AGO2: variants seen among roughly 807,000 people sequenced by gnomAD.
The protein encoded by AGO2 is argonaute RISC catalytic component 2.
AGO2 carries 5 observed loss-of-function variants against 102.3 expected under a neutral mutation model. The observed-to-expected ratio is 0.05, with a 90% CI of 0.03 to 0.10. The LOEUF (loss-of-function observed/expected upper bound fraction) is 0.10, where lower values mean the gene tolerates loss of function less well. AGO2 is among the 10% of genes least tolerant of loss of function. AGO2 has a pLI of 1.00. For missense variants in AGO2, 541 were observed against 1,183.7 expected (o/e 0.46, Z 7.97); for synonymous variants, 449 against 473.1 (o/e 0.95, Z 0.66).
chr8:140,532,593 T>G lies in AGO2; in HGVS notation c.2294A>C (p.Tyr765Ser). 1 of 1,614,280 alleles carries G rather than the reference T, an allele frequency of 6.2e-7. No homozygotes were observed. Among genetic ancestry groups the G allele is most frequent in the Non-Finnish European group, 8.5e-7 (1 of 1,180,050 alleles). The change falls in exon 18 of 19, where the codon TAT becomes TCT. Residue 765 changes from tyrosine to serine, a missense_variant. Physicochemically the swap from Tyr to Ser is moderately radical, Grantham distance 144. Transcript: ENST00000220592. ...ACGATTGTCGTCCCAGAGGACGTGA[T>G]AGTGCGAAGGCCTGCTTGTCCCCTA... ...GIQGTSRPSH[Y>S]HVLWDDNRFS... is the part of the protein sequence containing the mutation.
At chr8:140,585,073 T>C (rs1196632950) in intron 2 of AGO2, 46 bp downstream of exon 2, 3 of 1,563,888 alleles carry the variant, frequency 1.9e-6, no homozygotes, top group Non-Finnish European at 1.7e-6. Context: ...GCCGTGTCTG[T>C]CCGCGCAGAC....
At chr8:140,588,758 G>C (rs1033858946) in intron 1 of AGO2, among the ~76,000 whole-genome samples, 1 of 152,254 alleles carries the variant, frequency 6.6e-6, no homozygotes, top group Non-Finnish European at 1.5e-5. Flanking sequence ...TCCTGGGAGG[G>C]GCGATGGCTC....
intron 6 of AGO2, among the ~76,000 whole-genome samples, chr8:140,559,140 A>G (rs2073153611): frequency 6.6e-6 from 1 of 152,220 alleles, no homozygotes. Context: ...TCTAGTCCTG[A>G]GATCATGACT....
intron 12 of AGO2, 74 bp from the exon 13 acceptor site, chr8:140,547,701 A>T: frequency 6.5e-7 from 1 of 1,542,458 alleles, no homozygotes; most frequent in Non-Finnish European, 8.7e-7. Flanking sequence ...AGCAGCTGCC[A>T]CCAGCCCTCT....
At chr8:140,582,231 A>G (rs968668080) in intron 2 of AGO2, among the ~76,000 whole-genome samples, 1 of 152,220 alleles carries the variant, frequency 6.6e-6, no homozygotes, top group Non-Finnish European at 1.5e-5. Context: ...AAAATGACCA[A>G]GAGTTCCTGG....
At chr8:140,583,809 A>C (rs2073598339) in intron 2 of AGO2, among the ~76,000 whole-genome samples, 1 of 152,236 alleles carries the variant, frequency 6.6e-6, no homozygotes, top group Non-Finnish European at 1.5e-5. Context: ...CAGGAGGTGG[A>C]GACTACAGTG....
intron 1 of AGO2, among the ~76,000 whole-genome samples, chr8:140,609,038 G>C (rs1234587027): frequency 2.0e-5 from 3 of 152,198 alleles, no homozygotes; most frequent in African/African-American, 4.8e-5. Context: ...CTGCAGATCT[G>C]GTAAGCATCT....
chr8:140,565,429 A>T (rs1232719482), intron 3 of AGO2, among the ~76,000 whole-genome samples: 22 of 139,028 alleles, frequency 1.6e-4, no homozygotes, highest in Middle Eastern at 4.1e-3. Flanking sequence ...ACAGAGCAAG[A>T]CTCTGTCTCA....
intron 1 of AGO2, among the ~76,000 whole-genome samples, chr8:140,634,357 G>A (rs1165636428): frequency 6.6e-6 from 1 of 152,258 alleles, no homozygotes; most frequent in African/African-American, 2.4e-5. Context: ...GGGCAGCATC[G>A]GGAATGCGAG....
rs1376749713 is a variant in AGO2, at chr8:140,529,386, T to C, written c.*2658A>G. On this transcript the variant is annotated 3_prime_UTR_variant, in exon 19 of 19. Transcript: ENST00000220592. The stretch of plus-strand genomic sequence containing the variant: ...TGGTAAAAATTTGAGAAAACAATTG[T>C]TTACCTGAGAAATTGTAACTACAGC... 2 of 152,238 alleles carry C rather than the reference T, an allele frequency of 1.3e-5. No homozygotes were observed. The highest frequency in any genetic ancestry group is 2.9e-5 in the Non-Finnish European group (2 of 68,036). The allele number at this position is 152,238 out of a possible 1,614,324, so 9.4% of individuals were successfully genotyped here.
rs886340180 is a variant in AGO2, at chr8:140,589,208, A to C, written c.23-3897T>G. Among the ~76,000 whole-genome samples, 9 of 152,198 alleles carry C rather than the reference A, an allele frequency of 5.9e-5. No individual in the cohort carries two copies. The highest frequency in any genetic ancestry group is 1.2e-4 in the Non-Finnish European group (8 of 68,030). ...TAAGTAAGGGACAGGGATGGGGGAA[A>C]GTTGGTGCATGAAGAATAAAGTGCA... is the stretch of plus-strand genomic sequence containing the variant. On this transcript the variant is annotated intron_variant, in intron 1 of 18. Transcript: ENST00000220592. The surrounding 1 kb of genome is among the most constrained non-coding windows in gnomAD (Gnocchi z 4.2).
intron 1 of AGO2, among the ~76,000 whole-genome samples, chr8:140,601,370 G>A (rs1486121576): frequency 6.6e-6 from 1 of 152,006 alleles, no homozygotes; most frequent in Admixed American, 6.6e-5. Context: ...GCACCCCCCC[G>A]CCGCTGTGCT....
intron 2 of AGO2, among the ~76,000 whole-genome samples, chr8:140,578,239 CAA>C (rs1253476681): frequency 3.2e-4 from 48 of 152,352 alleles, no homozygotes; most frequent in Admixed American, 3.1e-3. Flanking sequence ...CTTCCCTCCT[CAA>C]ACACACATGA....
chr8:140,605,020 G>A (rs2073977804), intron 1 of AGO2, among the ~76,000 whole-genome samples: 1 of 152,078 alleles, frequency 6.6e-6, no homozygotes, highest in South Asian at 2.1e-4. Flanking sequence ...AAAATATTCA[G>A]GTAAGGAAAT....
intron 17 of AGO2, 23 bp from the exon 18 acceptor site, chr8:140,532,638 A>G (rs759450492): frequency 1.2e-6 from 2 of 1,609,696 alleles, no homozygotes; most frequent in East Asian, 2.2e-5. Context: ...AGAAGATTAG[A>G]CAGTTGGACT....
At chr8:140,641,549 A>G in the AGO2 span, among the ~76,000 whole-genome samples, 7 of 152,214 alleles carry the variant, frequency 4.6e-5, no homozygotes, top group African/African-American at 1.4e-4. Context: ...TTTTAAAATT[A>G]ACCATAATTC....
At chr8:140,607,515 TACAC>T (rs1159722896) in intron 1 of AGO2, among the ~76,000 whole-genome samples, 1 of 18,900 alleles carries the variant, frequency 5.3e-5, no homozygotes, top group African/African-American at 1.5e-4. Flanking sequence ...TATATATATA[TACAC>T]ACACACACAC....
chr8:140,548,944 T>G (rs1021940236), intron 12 of AGO2, among the ~76,000 whole-genome samples, 170 bp downstream of exon 12: 2 of 152,178 alleles, frequency 1.3e-5, no homozygotes, highest in African/African-American at 4.8e-5. Flanking sequence ...CTGAACACAG[T>G]GATCAGAAGT....
At chr8:140,608,500 G>A (rs541324326) in intron 1 of AGO2, among the ~76,000 whole-genome samples, 16 of 152,344 alleles carry the variant, frequency 1.1e-4, no homozygotes, top group Admixed American at 2.6e-4. Flanking sequence ...GCTATTCAGG[G>A]CCCTGAGCTG....
Sources: gnomAD v4.1 joint callset for allele counts (sites outside exome capture counted in the v4.1 genomes callset) on GRCh38, gnomAD v4.1.1 for gene constraint, Gnocchi (gnomAD v3.1) non-coding constraint, MANE v1.5 for transcripts, NCBI Gene and HGNC (gene_info 2026-07-23, HGNC 2026-07-21) for gene names.